Variants in DDX60L observed in about 807,000 individuals in gnomAD.
DDX60L encodes the protein probable ATP-dependent RNA helicase DDX60-like.
DDX60L carries 191 observed loss-of-function variants against 211.6 expected under a neutral mutation model. The ratio of observed to expected loss-of-function variants is 0.90; its 90% confidence interval spans 0.80 to 1.02. DDX60L has a LOEUF of 1.02. Among genes scored for constraint, DDX60L ranks in the 50% least tolerant of loss-of-function variants. DDX60L has a pLI of 0.00. For synonymous variants in DDX60L, 706 were observed against 694.1 expected (o/e 1.02, Z -0.27); for missense variants, 2,007 against 1,984.1 (o/e 1.01, Z -0.22).
Position 168,385,064 on chromosome 4 carries a change from C to G in DDX60L, c.3916-252G>C, listed in dbSNP as rs568494732. 3.3e-5 allele frequency among the ~76,000 whole-genome samples: 5 copies of G among 152,230 alleles called. No homozygotes were observed. The East Asian group carries it at 9.7e-4, about 29-fold the overall frequency. ...ATGACTCATAAAATCCTTGGACTCT[C>G]CAATATCTGTATGTGAATGAGTTGG... On this transcript the variant is annotated intron_variant, in intron 29 of 37. Coordinates refer to ENST00000682922, the MANE Select transcript of DDX60L (RefSeq NM_001012967.3).
intron 30 of DDX60L, among the ~76,000 whole-genome samples, chr4:168,381,789 A>G (rs1484591777): frequency 1.3e-5 from 2 of 152,188 alleles, no homozygotes; most frequent in Non-Finnish European, 2.9e-5. Flanking sequence ...CTCAAATCCA[A>G]AAAATTTATG....
chr4:168,471,191 GTTAAA>G (rs1222477030), intron 4 of DDX60L, among the ~76,000 whole-genome samples: 1 of 152,154 alleles, frequency 6.6e-6, no homozygotes, highest in Non-Finnish European at 1.5e-5. Flanking sequence ...GTGTTTCAGA[GTTAAA>G]TGTAATGTCT....
chr4:168,434,161 A>C (rs914824971), intron 10 of DDX60L, among the ~76,000 whole-genome samples: 1 of 151,920 alleles, frequency 6.6e-6, no homozygotes, highest in African/African-American at 2.4e-5. Context: ...GAGTGTGTAC[A>C]TGTGTATATC....
intron 30 of DDX60L, among the ~76,000 whole-genome samples, chr4:168,383,870 C>T (rs558002309): frequency 2.6e-5 from 4 of 152,246 alleles, no homozygotes; most frequent in Admixed American, 2.0e-4. Context: ...AGTATTGATC[C>T]TAGGTGTGTC....
chr4:168,442,744 G>C (rs1300612574), intron 9 of DDX60L, among the ~76,000 whole-genome samples: 3 of 151,166 alleles, frequency 2.0e-5, no homozygotes, highest in African/African-American at 2.4e-5. Flanking sequence ...GCCTAACTGG[G>C]AGGCACCCCC....
intron 35 of DDX60L, among the ~76,000 whole-genome samples, chr4:168,372,803 A>G (rs893976147): frequency 6.6e-6 from 1 of 152,086 alleles, no homozygotes; most frequent in Non-Finnish European, 1.5e-5. Flanking sequence ...CAAAAGTTCA[A>G]TGAGAAAAAT....
chr4:168,479,979 C>G (rs1461511548), intron 1 of DDX60L, among the ~76,000 whole-genome samples: 2 of 27,370 alleles, frequency 7.3e-5, no homozygotes, highest in Non-Finnish European at 1.4e-4. Flanking sequence ...GCGAGACTGA[C>G]TCAAAAAAAA....
At chr4:168,366,892 C>G (rs566348634) in intron 36 of DDX60L, among the ~76,000 whole-genome samples, 1 of 151,496 alleles carries the variant, frequency 6.6e-6, no homozygotes, top group East Asian at 1.9e-4. Flanking sequence ...AGAACACACA[C>G]GAGGGAAAAG....
At chr4:168,382,777 A>G (rs1204064862) in intron 30 of DDX60L, among the ~76,000 whole-genome samples, 3 of 152,190 alleles carry the variant, frequency 2.0e-5, no homozygotes, top group South Asian at 2.1e-4. Flanking sequence ...TTATAAAGGA[A>G]AAAGTAAAAA....
intron 1 of DDX60L, among the ~76,000 whole-genome samples, chr4:168,478,421 A>G (rs975583212): frequency 1.1e-4 from 16 of 152,224 alleles, no homozygotes; most frequent in Admixed American, 3.3e-4. Context: ...AGAGCATAAG[A>G]AGCTGGATAC....
At chr4:168,388,243 T>C (rs1424432351) in intron 29 of DDX60L, among the ~76,000 whole-genome samples, 1 of 152,108 alleles carries the variant, frequency 6.6e-6, no homozygotes, top group African/African-American at 2.4e-5. Context: ...TAAGGACAGT[T>C]CAATCAGACC....
In DDX60L at chr4:168,363,065, G is replaced by A. The variant is rs118116827; in HGVS notation, c.4929-1854C>T. On this transcript the variant is annotated intron_variant, in intron 36 of 37. Transcript: ENST00000682922. ...AGAATTCTAAATGCTGAAGAGAAAAGCATCAAGTCACACATAACGGAATCC... is the reference window on the plus strand; with the variant it reads ...AGAATTCTAAATGCTGAAGAGAAAAACATCAAGTCACACATAACGGAATCC... 7.5e-3 allele frequency among the ~76,000 whole-genome samples: 1,149 copies of A among 152,202 alleles called. 43 individuals carry two copies. The East Asian group carries it at 0.11, about 15-fold the overall frequency.
chr4:168,474,031 C>A, intron 1 of DDX60L, among the ~76,000 whole-genome samples: 1 of 152,164 alleles, frequency 6.6e-6, no homozygotes, highest in Non-Finnish European at 1.5e-5. Flanking sequence ...ACAGGCGCTG[C>A]ACTTGGGGGT....
intron 30 of DDX60L, among the ~76,000 whole-genome samples, chr4:168,382,312 G>A (rs1457693978): frequency 6.6e-6 from 1 of 152,130 alleles, no homozygotes; most frequent in Non-Finnish European, 1.5e-5. Context: ...AGGTAGAAAA[G>A]ACTGGAAGAA....
At chr4:168,433,420 T>C (rs1442666842) in intron 10 of DDX60L, among the ~76,000 whole-genome samples, 2 of 152,120 alleles carry the variant, frequency 1.3e-5, no homozygotes, top group African/African-American at 2.4e-5. Context: ...GTATGAATAA[T>C]GTGTCACAGT....
At chr4:168,440,935 T>A (rs529770462) in intron 10 of DDX60L, among the ~76,000 whole-genome samples, 4 of 151,756 alleles carry the variant, frequency 2.6e-5, no homozygotes, top group African/African-American at 9.7e-5. Flanking sequence ...GGAAAAAAGA[T>A]AGAAAGAATA....
At chr4:168,439,564 T>C (rs1450324155) in intron 10 of DDX60L, among the ~76,000 whole-genome samples, 1 of 152,212 alleles carries the variant, frequency 6.6e-6, no homozygotes, top group Non-Finnish European at 1.5e-5. Context: ...TCTGTGTATC[T>C]GGTAGAAACC....
chr4:168,417,918 T>C (rs1749849886), intron 19 of DDX60L, among the ~76,000 whole-genome samples: 1 of 152,254 alleles, frequency 6.6e-6, no homozygotes, highest in East Asian at 1.9e-4. Flanking sequence ...GACTTTGATC[T>C]AGTCAGATAA....
intron 28 of DDX60L, among the ~76,000 whole-genome samples, chr4:168,393,597 G>T (rs1475146850): frequency 6.6e-6 from 1 of 152,014 alleles, no homozygotes; most frequent in African/African-American, 2.4e-5. Context: ...AATATTGCAA[G>T]CTTCTGAAAC....
Sources: gnomAD v4.1 joint callset for allele counts (sites outside exome capture counted in the v4.1 genomes callset) on GRCh38, gnomAD v4.1.1 for gene constraint, MANE v1.5 for transcripts, NCBI Gene and HGNC (gene_info 2026-07-23, HGNC 2026-07-21) for gene names.